Variants in GSE1 observed in about 807,000 individuals in gnomAD.
The protein encoded by GSE1 is Gse1 coiled-coil protein.
Under a neutral mutation model 112.6 loss-of-function variants are expected in GSE1, and 32 were observed. That is an observed-to-expected ratio of 0.28 (90% confidence interval 0.21 to 0.38). The LOEUF (loss-of-function observed/expected upper bound fraction) is 0.38. GSE1 is among the 10% of genes least tolerant of loss of function. The probability of loss-of-function intolerance (pLI) is 1.00; values close to 1 mark genes in which losing one functional copy is unlikely to be tolerated. For synonymous variants in GSE1, 1,115 were observed against 735.6 expected, an observed-to-expected ratio of 1.52 and a Z score of -8.35; for missense variants, 2,348 against 1,699.2, an observed-to-expected ratio of 1.38 and a Z score of -6.71.
chr16:85,356,084 C>T (rs2046945817), intron 1 of GSE1, among the ~76,000 whole-genome samples: 5 of 152,084 alleles, frequency 3.3e-5, no homozygotes, highest in Admixed American at 2.0e-4. Flanking sequence ...ATGGGATGAC[C>T]CCCCTGCAGT....
At chr16:85,393,262 C>CT (rs1483459456) in intron 2 of GSE1, among the ~76,000 whole-genome samples, 1 of 152,204 alleles carries the variant, frequency 6.6e-6, no homozygotes, top group African/African-American at 2.4e-5. Context: ...TAGCAAGACC[C>CT]TGTCTCAAGA....
chr16:85,325,957 C>T (rs1303837513), intron 1 of GSE1, among the ~76,000 whole-genome samples: 2 of 151,890 alleles, frequency 1.3e-5, no homozygotes, highest in Non-Finnish European at 2.9e-5. Context: ...CCATGTTGGT[C>T]AGGCTGGTCT....
intron 2 of GSE1, among the ~76,000 whole-genome samples, chr16:85,380,509 A>ACC (rs35033722): frequency 7.3e-5 from 11 of 151,378 alleles, no homozygotes; most frequent in Non-Finnish European, 1.3e-4. Context: ...GTGGGAGGAC[A>ACC]CCCCCCCTCC....
chr16:85,242,264 G>T (rs1340857271), intron 1 of GSE1, among the ~76,000 whole-genome samples: 2 of 152,178 alleles, frequency 1.3e-5, no homozygotes, highest in Admixed American at 1.3e-4. Flanking sequence ...CCCCCTGCAA[G>T]CAGCCGCCCT....
intron 2 of GSE1, among the ~76,000 whole-genome samples, chr16:85,510,049 C>G (rs1159112231): frequency 1.3e-5 from 2 of 152,190 alleles, no homozygotes; most frequent in African/African-American, 4.8e-5. Flanking sequence ...TAGGCCAAGC[C>G]GCGCTGAGCA....
At chr16:85,530,570 G>C (rs2044104587) in intron 2 of GSE1, among the ~76,000 whole-genome samples, 3 of 152,210 alleles carry the variant, frequency 2.0e-5, no homozygotes, top group Admixed American at 2.0e-4. Context: ...TCCCGCTGGA[G>C]CCCAGCCTTG....
rs566168398 is a variant in GSE1 at position 85,654,462 on chromosome 16, G to C, written c.599+12G>C. 1.7e-5 allele frequency: 26 copies of C among 1,554,806 alleles called. No homozygotes were observed. The highest frequency in any genetic ancestry group is 5.5e-5 in the African/African-American group (4 of 73,344). ...TTCCCGCCACTCAAGTAAGTTGGTC[G>C]GCGGGGACTTCGGTGAGGTGGCCAG... On this transcript the variant is annotated intron_variant, in intron 4 of 15. Transcript: ENST00000253458.
intron 1 of GSE1, among the ~76,000 whole-genome samples, chr16:85,173,617 T>G (rs1262343277): frequency 4.6e-5 from 7 of 152,304 alleles, no homozygotes; most frequent in African/African-American, 1.7e-4. Context: ...CAGTCAGAAC[T>G]CTCTGCAAAT....
At chr16:85,296,801 G>A (rs1475175725) in intron 1 of GSE1, among the ~76,000 whole-genome samples, 1 of 151,188 alleles carries the variant, frequency 6.6e-6, no homozygotes, top group Non-Finnish European at 1.5e-5. Context: ...GGGAGGAAGG[G>A]ACTGTCACTT....
intron 2 of GSE1, among the ~76,000 whole-genome samples, chr16:85,417,523 G>A (rs1597690965): frequency 6.6e-6 from 1 of 152,266 alleles, no homozygotes; most frequent in East Asian, 1.9e-4. Flanking sequence ...AGGTGTGTGT[G>A]CAGCATAGCG....
At chr16:85,521,765 C>T (rs964269828) in intron 2 of GSE1, among the ~76,000 whole-genome samples, 1 of 152,372 alleles carries the variant, frequency 6.6e-6, no homozygotes, top group South Asian at 2.1e-4. Context: ...TGGAGCCGCC[C>T]TGAGAGGGGC....
intron 1 of GSE1, among the ~76,000 whole-genome samples, chr16:85,577,585 C>G (rs1465219084): frequency 6.6e-6 from 1 of 152,166 alleles, no homozygotes; most frequent in Non-Finnish European, 1.5e-5. Context: ...GATTATCCCC[C>G]TTTCACAGAG....
intron 1 of GSE1, among the ~76,000 whole-genome samples, chr16:85,238,808 C>G (rs892634482): frequency 2.6e-5 from 4 of 152,220 alleles, no homozygotes; most frequent in Non-Finnish European, 5.9e-5. Flanking sequence ...CTTCCCCTAA[C>G]TTATTCATCC....
chr16:85,417,590 G>A (rs2048732072), intron 2 of GSE1, among the ~76,000 whole-genome samples: 1 of 152,232 alleles, frequency 6.6e-6, no homozygotes, highest in Non-Finnish European at 1.5e-5. Flanking sequence ...GGGTTAGGTG[G>A]CTCTGTTGCC....
chr16:85,510,409 T>C (rs2051699502), intron 2 of GSE1, among the ~76,000 whole-genome samples: 1 of 151,388 alleles, frequency 6.6e-6, no homozygotes, highest in South Asian at 2.1e-4. Flanking sequence ...CGAGCGTGCG[T>C]GTGTGTGTGT....
intron 1 of GSE1, among the ~76,000 whole-genome samples, chr16:85,331,479 ATG>A (rs553429484): frequency 0.024 from 3,120 of 130,664 alleles, 145 homozygotes; most frequent in African/African-American, 0.079. Context: ...ATATGTATAT[ATG>A]TGTATATATG....
chr16:85,587,979 T>C (rs1316559180), intron 1 of GSE1, among the ~76,000 whole-genome samples: 2 of 152,162 alleles, frequency 1.3e-5, no homozygotes, highest in Non-Finnish European at 2.9e-5. Context: ...ATGCCCTCGG[T>C]CATCGTAATT....
At chr16:85,260,954 A>G (rs1907624443) in intron 1 of GSE1, among the ~76,000 whole-genome samples, 1 of 152,212 alleles carries the variant, frequency 6.6e-6, no homozygotes, top group African/African-American at 2.4e-5. Context: ...GAGAAAGCGA[A>G]TGTGTTTGGA....
At chr16:85,393,982 C>T (rs1217860874) in intron 2 of GSE1, among the ~76,000 whole-genome samples, 5 of 151,088 alleles carry the variant, frequency 3.3e-5, no homozygotes, top group South Asian at 2.1e-4. Context: ...CACGGTGGAG[C>T]GCGCCCCTCT....
Sources: gnomAD v4.1 joint callset for allele counts (sites outside exome capture counted in the v4.1 genomes callset) on GRCh38, gnomAD v4.1.1 for gene constraint, MANE v1.5 for transcripts, NCBI Gene and HGNC (gene_info 2026-07-23, HGNC 2026-07-21) for gene names.